The following ATF6 variants were observed in gnomAD, a reference collection of about 807,000 sequenced individuals.
ATF6 encodes activating transcription factor 6.
ATF6 carries 53 observed loss-of-function variants against 83.6 expected under a neutral mutation model. The observed-to-expected ratio is 0.63, with a 90% CI of 0.51 to 0.80. The LOEUF is 0.80. Ranked by LOEUF, ATF6 falls within the 30% of genes least tolerant of loss-of-function variation. The probability of loss-of-function intolerance (pLI) is 0.00; values close to 1 mark genes in which losing one functional copy is unlikely to be tolerated. For synonymous variants in ATF6, 288 were observed against 285.8 expected, an observed-to-expected ratio of 1.01 and a Z score of -0.08; for missense variants, 744 against 797.9, an observed-to-expected ratio of 0.93 and a Z score of 0.81.
At chr1:161,830,577 A>G (rs1320841347) in intron 9 of ATF6, among the ~76,000 whole-genome samples, 3 of 152,224 alleles carry the variant, frequency 2.0e-5, no homozygotes, top group Non-Finnish European at 4.4e-5. Context: ...CCAAAACAGC[A>G]TGGTACTGGT....
At chr1:161,786,778 C>T (rs978663069) in intron 4 of ATF6, among the ~76,000 whole-genome samples, 2 of 152,144 alleles carry the variant, frequency 1.3e-5, no homozygotes, top group African/African-American at 2.4e-5. Context: ...GGGAAATAAA[C>T]ATTAATATGT....
intron 9 of ATF6, among the ~76,000 whole-genome samples, chr1:161,822,362 A>G (rs1234199765): frequency 6.6e-6 from 1 of 152,208 alleles, no homozygotes; most frequent in Non-Finnish European, 1.5e-5. Context: ...AAGAGCTTCA[A>G]GCAGGTCTTG....
intron 14 of ATF6, among the ~76,000 whole-genome samples, chr1:161,865,991 A>C (rs532073317): frequency 1.3e-5 from 2 of 152,176 alleles, no homozygotes; most frequent in Non-Finnish European, 2.9e-5. Context: ...TTTCAATATA[A>C]AATATTCTAA....
intron 1 of ATF6, among the ~76,000 whole-genome samples, chr1:161,772,932 A>C (rs1334145738): frequency 1.3e-5 from 2 of 148,734 alleles, no homozygotes; most frequent in Non-Finnish European, 3.0e-5. Context: ...AACCCAGTCC[A>C]GTCAGGTGCC....
chr1:161,940,677 G>GA (rs774642728), intron 15 of ATF6, among the ~76,000 whole-genome samples: 1 of 151,254 alleles, frequency 6.6e-6, no homozygotes, highest in Non-Finnish European at 1.5e-5. Context: ...TTCTGCCTCA[G>GA]CCTCCTGAGT....
At chr1:161,941,186 C>T (rs1475464399) in intron 15 of ATF6, among the ~76,000 whole-genome samples, 1 of 152,220 alleles carries the variant, frequency 6.6e-6, no homozygotes, top group East Asian at 1.9e-4. Context: ...TCAACTGAAT[C>T]TGCTGGGCTA....
intron 15 of ATF6, among the ~76,000 whole-genome samples, chr1:161,924,410 A>T (rs1335561771): frequency 1.3e-5 from 2 of 152,226 alleles, no homozygotes; most frequent in Admixed American, 6.5e-5. Context: ...CCACATATTT[A>T]AAAAAATCTA....
intron 9 of ATF6, among the ~76,000 whole-genome samples, chr1:161,835,395 C>T (rs960153342): frequency 6.6e-6 from 1 of 152,132 alleles, no homozygotes; most frequent in Non-Finnish European, 1.5e-5. Context: ...CTGAGCCCTA[C>T]CCAAGACCTA....
At chr1:161,801,359 C>CTTTTTTTT (rs1170991022) in intron 6 of ATF6, among the ~76,000 whole-genome samples, 9 of 95,288 alleles carry the variant, frequency 9.4e-5, no homozygotes, top group South Asian at 3.8e-4. Flanking sequence ...TATTTGTAGT[C>CTTTTTTTT]TTTTTTTTTT....
rs145271335 is a variant in ATF6 at position 161,957,778 on chromosome 1, G to A, written c.1805-668G>A. On this transcript the variant is annotated intron_variant, in intron 15 of 15. Coordinates refer to ENST00000367942, the MANE Select transcript of ATF6 (RefSeq NM_007348.4). Reference sequence around the variant, plus strand: ...GAATTGTACTTGACACTTTGTGCCTGGAATCAGGAACTCTGGAAATAAAGA... The same window carrying A: ...GAATTGTACTTGACACTTTGTGCCTAGAATCAGGAACTCTGGAAATAAAGA... Among the ~76,000 whole-genome samples, 10 of 152,272 alleles carry A rather than the reference G, an allele frequency of 6.6e-5. No homozygotes were observed. The East Asian group carries it at 1.7e-3, about 26-fold the overall frequency.
intron 6 of ATF6, among the ~76,000 whole-genome samples, chr1:161,798,393 C>T (rs139817572): frequency 2.1e-4 from 32 of 152,282 alleles, no homozygotes; most frequent in African/African-American, 7.2e-4. Flanking sequence ...GGGTGCATCA[C>T]TTGAGATCAG....
intron 2 of ATF6, among the ~76,000 whole-genome samples, chr1:161,780,381 A>AT (rs1328968342): frequency 6.2e-5 from 9 of 145,820 alleles, no homozygotes; most frequent in Admixed American, 6.8e-5. Context: ...TTTTATTTTT[A>AT]TTTTTTTTTT....
chr1:161,953,539 A>G (rs1422121605), intron 15 of ATF6, among the ~76,000 whole-genome samples: 1 of 152,110 alleles, frequency 6.6e-6, no homozygotes, highest in East Asian at 1.9e-4. Flanking sequence ...CTGCTATGTC[A>G]CAGCTGAATG....
chr1:161,900,819 AG>A (rs1387548039), intron 14 of ATF6, among the ~76,000 whole-genome samples: 1 of 152,170 alleles, frequency 6.6e-6, no homozygotes, highest in Non-Finnish European at 1.5e-5. Context: ...AACATTTAAA[AG>A]TTTTACATTT....
At chr1:161,926,082 C>G (rs1275059403) in intron 15 of ATF6, among the ~76,000 whole-genome samples, 1 of 152,070 alleles carries the variant, frequency 6.6e-6, no homozygotes, top group Non-Finnish European at 1.5e-5. Context: ...ATATTTTGAG[C>G]AGGGAAGAGG....
At position 161,802,080 on chromosome 1, in the gene ATF6, T is replaced by A; in HGVS notation, c.717T>A (p.Thr239=). The change falls in exon 7 of 16, where the codon ACT becomes ACA. Residue 239 remains threonine, a synonymous_variant. Coordinates refer to ENST00000367942, the MANE Select transcript of ATF6 (RefSeq NM_007348.4). The part of the protein sequence containing the change: ...KGQTVLLSQP[T]VVQLQAPGVL... The stretch of plus-strand genomic sequence containing the variant: ...AGACGGTTTTGCTGTCTCAGCCTAC[T>A]GTGGTACAACTTCAAGCACCTGGAG... 6.2e-7 allele frequency: 1 copy of A among 1,614,106 alleles called. No homozygotes were observed. Among genetic ancestry groups the A allele is most frequent in the Non-Finnish European group, 8.5e-7 (1 of 1,179,980 alleles).
rs147503616 is a variant in ATF6 at position 161,873,864 on chromosome 1, G to C, written c.1719+10552G>C. ...TACATGGTATATCAGGCATGTAGCAGGTATTCAATAAACATTGAATGAATA... is the reference window on the plus strand; with the variant it reads ...TACATGGTATATCAGGCATGTAGCACGTATTCAATAAACATTGAATGAATA... On this transcript the variant is annotated intron_variant, in intron 14 of 15. Transcript: ENST00000367942. Among the ~76,000 whole-genome samples, 1,172 of 151,558 alleles carry C rather than the reference G, an allele frequency of 7.7e-3. 13 individuals carry two copies. Among genetic ancestry groups the C allele is most frequent in the African/African-American group, 0.026 (1,093 of 41,456 alleles).
chr1:161,768,716 G>A (rs1684323299), intron 1 of ATF6, among the ~76,000 whole-genome samples: 1 of 152,018 alleles, frequency 6.6e-6, no homozygotes. Context: ...GGTGCACACC[G>A]CTACCATGCC....
intron 15 of ATF6, 100 bp from the exon 16 acceptor site, chr1:161,958,346 A>G: frequency 8.2e-7 from 1 of 1,223,234 alleles, no homozygotes; most frequent in Middle Eastern, 2.3e-4. Flanking sequence ...CTGACAGTTC[A>G]CACCCTTAAA....
Sources: gnomAD v4.1 joint callset for allele counts (sites outside exome capture counted in the v4.1 genomes callset) on GRCh38, gnomAD v4.1.1 for gene constraint, MANE v1.5 for transcripts, NCBI Gene and HGNC (gene_info 2026-07-23, HGNC 2026-07-21) for gene names.